The following BCL2L11 variants were observed in gnomAD, a reference collection of about 807,000 sequenced individuals.
BCL2L11 encodes the protein bcl-2-like protein 11.
A neutral mutation model predicts 20.6 loss-of-function variants in BCL2L11; 15 were observed. The ratio of observed to expected loss-of-function variants is 0.73; its 90% CI spans 0.49 to 1.12. The LOEUF is 1.12. Ranked by LOEUF, BCL2L11 falls within the 50% of genes most tolerant of loss-of-function variation. BCL2L11 has a pLI of 0.00. For synonymous variants in BCL2L11, 108 were observed against 92.8 expected (o/e 1.16, Z -0.94); for missense variants, 292 against 260.9 (o/e 1.12, Z -0.82).
In BCL2L11 at chr2:111,168,071, C is replaced by T. The variant is rs528031146; in HGVS notation, c.*3840C>T. 1 of 152,784 alleles carries T rather than the reference C, an allele frequency of 6.5e-6. No individual in the cohort carries two copies. The highest frequency in any genetic ancestry group is 2.1e-4 in the South Asian group (1 of 4,828). The allele number at this position is 152,784 out of a possible 1,614,324, so 9.5% of individuals were successfully genotyped here. A position where few individuals can be genotyped will look rare whatever the true frequency, so the allele number is the denominator to read the frequency against. ...ATCAGTTGGGGTCTACTCTAAACAG[C>T]ATTGTGTGTAAGAAGCATCCTCAAG... is the stretch of plus-strand genomic sequence containing the variant. On this transcript the variant is annotated 3_prime_UTR_variant, in exon 4 of 4. Coordinates refer to ENST00000393256, the MANE Select transcript of BCL2L11 (RefSeq NM_138621.5).
At chr2:111,137,609 C>T (rs1044078462) in intron 2 of BCL2L11, among the ~76,000 whole-genome samples, 13 of 150,782 alleles carry the variant, frequency 8.6e-5, no homozygotes, top group African/African-American at 1.5e-4. Context: ...AGGCATAGAG[C>T]AGAAGATGTA....
At position 111,140,618 on chromosome 2, in the gene BCL2L11, G is replaced by A. The variant is rs550122378; in HGVS notation, c.395-9426G>A. 2.5e-4 allele frequency among the ~76,000 whole-genome samples: 38 copies of A among 152,278 alleles called. No homozygotes were observed. The South Asian group carries it at 6.8e-3, about 27-fold the overall frequency. On this transcript the variant is annotated intron_variant, in intron 2 of 3. Transcript: ENST00000393256. ...ATGTGTGGTGGAGAAAAGACTAGAA[G>A]TGTATTTTCTTGTTGATTTGTCTGT...
chr2:111,148,477 C>T (rs534243036), intron 2 of BCL2L11, among the ~76,000 whole-genome samples: 6 of 152,290 alleles, frequency 3.9e-5, no homozygotes, highest in Admixed American at 6.5e-5. Flanking sequence ...TTTGTTTTCT[C>T]CCAGTTTAGT....
chr2:111,162,207 C>T (rs1031785750), intron 3 of BCL2L11, among the ~76,000 whole-genome samples: 8 of 152,182 alleles, frequency 5.3e-5, no homozygotes, highest in African/African-American at 1.4e-4. Context: ...TCTTTGAATC[C>T]GTGGTAATGG....
At chr2:111,122,630 GGGGAGGAGC>G (rs1278197201) in intron 1 of BCL2L11, 14 of 984,252 alleles carry the variant, frequency 1.4e-5, no homozygotes, top group Non-Finnish European at 9.6e-6. Context: ...CAGAGCGCGA[GGGGAGGAGC>G]GGGAGGAGGC....
At chr2:111,123,376 G>A (rs2071672436) in intron 1 of BCL2L11, 1 of 985,370 alleles carries the variant, frequency 1.0e-6, no homozygotes, top group Non-Finnish European at 1.2e-6. Context: ...CTAACCCCGG[G>A]AAGTCAGAGC....
intron 1 of BCL2L11, chr2:111,122,654 G>T: frequency 2.0e-6 from 2 of 983,868 alleles, no homozygotes; most frequent in Non-Finnish European, 2.4e-6. Flanking sequence ...GGAGGCGGAG[G>T]ATGTTCCCGG....
intron 2 of BCL2L11, among the ~76,000 whole-genome samples, chr2:111,138,878 G>A (rs1035856851): frequency 3.9e-5 from 6 of 152,132 alleles, no homozygotes; most frequent in Non-Finnish European, 7.4e-5. Flanking sequence ...GGGTCATGGG[G>A]AGTTTTTCCA....
At chr2:111,149,103 A>T (rs1051676640) in intron 2 of BCL2L11, among the ~76,000 whole-genome samples, 5 of 152,226 alleles carry the variant, frequency 3.3e-5, no homozygotes, top group Non-Finnish European at 7.3e-5. Context: ...CAAGAATTTT[A>T]TCTCATTTCC....
At chr2:111,157,199 A>G (rs2077974481) in intron 3 of BCL2L11, among the ~76,000 whole-genome samples, 1 of 152,200 alleles carries the variant, frequency 6.6e-6, no homozygotes, top group Admixed American at 6.5e-5. Flanking sequence ...ACACATAACC[A>G]TGAGGAAGGA....
intron 2 of BCL2L11, among the ~76,000 whole-genome samples, chr2:111,148,870 T>C (rs2076900727): frequency 6.6e-6 from 1 of 152,254 alleles, no homozygotes; most frequent in Admixed American, 6.5e-5. Flanking sequence ...AAGTGTTCAC[T>C]TTTAAGTGTT....
intron 2 of BCL2L11, among the ~76,000 whole-genome samples, chr2:111,134,480 A>G (rs1413444978): frequency 6.6e-6 from 1 of 152,098 alleles, no homozygotes; most frequent in East Asian, 1.9e-4. Flanking sequence ...TTCCAATATA[A>G]TTGTCTGAAG....
chr2:111,147,035 T>A (rs1002148520), intron 2 of BCL2L11, among the ~76,000 whole-genome samples: 12 of 152,216 alleles, frequency 7.9e-5, no homozygotes, highest in African/African-American at 2.9e-4. Context: ...TACAGATCAG[T>A]CTTTTTTGCA....
intron 2 of BCL2L11, among the ~76,000 whole-genome samples, chr2:111,133,759 G>T (rs1346112073): frequency 6.6e-6 from 1 of 152,136 alleles, no homozygotes; most frequent in Non-Finnish European, 1.5e-5. Context: ...TGATTGTGTT[G>T]TTCAGTTCTT....
intron 2 of BCL2L11, chr2:111,144,610 C>A: frequency 7.1e-7 from 1 of 1,416,026 alleles, no homozygotes. Flanking sequence ...AAAGATATTT[C>A]TGAAGATATT....
chr2:111,137,400 T>G (rs534101674), intron 2 of BCL2L11, among the ~76,000 whole-genome samples: 1 of 152,316 alleles, frequency 6.6e-6, no homozygotes, highest in African/African-American at 2.4e-5. Flanking sequence ...CTTGGTGTAT[T>G]CCTCATGTGG....
chr2:111,150,110 G>A lies in BCL2L11; in HGVS notation c.461G>A (p.Arg154His), dbSNP rs373945451. 1.6e-5 allele frequency: 26 copies of A among 1,613,852 alleles called. No individual in the cohort carries two copies. The highest frequency in any genetic ancestry group is 6.7e-5 in the East Asian group (3 of 44,882). Residue 154 changes from arginine to histidine, a missense_variant, in exon 3 of 4, where the codon CGT (arginine) becomes CAT (histidine). By Grantham distance (29) the Arg-to-His change is conservative. Transcript: ENST00000393256. ...PEIWIAQELRRIGDEFNAYYA... is the reference protein window; with the variant it reads ...PEIWIAQELRHIGDEFNAYYA... ...ATATGGATCGCCCAAGAGTTGCGGC[G>A]TATTGGAGACGAGTTTAACGCTTAC... is the stretch of plus-strand genomic sequence containing the variant.
chr2:111,138,712 C>T (rs1485186435), intron 2 of BCL2L11, among the ~76,000 whole-genome samples: 1 of 152,156 alleles, frequency 6.6e-6, no homozygotes, highest in Non-Finnish European at 1.5e-5. Context: ...TGGCAGGTTG[C>T]TCTTGGTAGC....
In BCL2L11 at chr2:111,167,526, T is replaced by G. The variant is rs2079079134; in HGVS notation, c.*3295T>G. 6.6e-6 allele frequency: 1 copy of G among 152,244 alleles called. No individual in the cohort carries two copies. Among genetic ancestry groups the G allele is most frequent in the South Asian group, 2.1e-4 (1 of 4,834 alleles). The allele number at this position is 152,244 out of a possible 1,614,324, so 9.4% of individuals were successfully genotyped here. A position where few individuals can be genotyped will look rare whatever the true frequency, so the allele number is the denominator to read the frequency against. ...GATTTTTCTATTGAAAATTTATCCC[T>G]GACAACTCAGCGTTTAGAAAAGAAA... On this transcript the variant is annotated 3_prime_UTR_variant, in exon 4 of 4. Transcript: ENST00000393256.
Sources: allele counts gnomAD v4.1 joint callset (sites outside exome capture counted in the v4.1 genomes callset), GRCh38; gene constraint gnomAD v4.1.1; transcripts MANE v1.5; gene names NCBI Gene and HGNC (gene_info 2026-07-23, HGNC 2026-07-21).